The following VCAN variants were observed in gnomAD, a reference collection of about 807,000 sequenced individuals.
The protein encoded by VCAN is versican core protein.
In VCAN, 44 loss-of-function variants were observed where a neutral mutation model predicts 245.5. The ratio of observed to expected loss-of-function variants is 0.18; its 90% confidence interval spans 0.14 to 0.23. The LOEUF (loss-of-function observed/expected upper bound fraction) is 0.23, where lower values mean the gene tolerates loss of function less well. VCAN is among the 10% of genes least tolerant of loss of function. The pLI is 1.00. For missense variants in VCAN, 3,793 were observed against 4,057.9 expected, an observed-to-expected ratio of 0.93 and a Z score of 1.77; for synonymous variants, 1,413 against 1,437.0, an observed-to-expected ratio of 0.98 and a Z score of 0.38.
chr5:83,479,372 T>A (rs1317346137), intron 1 of VCAN, among the ~76,000 whole-genome samples: 1 of 152,064 alleles, frequency 6.6e-6, no homozygotes, highest in Non-Finnish European at 1.5e-5. Flanking sequence ...CCCTGGTGTG[T>A]CCCTTATCCT....
intron 7 of VCAN, among the ~76,000 whole-genome samples, chr5:83,529,003 C>CACACACACAT (rs1746412879): frequency 1.3e-5 from 2 of 151,590 alleles, no homozygotes; most frequent in Admixed American, 1.3e-4. Flanking sequence ...CACACACACA[C>CACACACACAT]ACACACACAC....
At chr5:83,523,889 T>C (rs745675244) in intron 7 of VCAN, among the ~76,000 whole-genome samples, 1 of 151,882 alleles carries the variant, frequency 6.6e-6, no homozygotes, top group Non-Finnish European at 1.5e-5. Context: ...GACAGGAATA[T>C]AACGGTGAAA....
Position 83,541,155 on chromosome 5 carries a change from G to A in VCAN, c.8152G>A (p.Asp2718Asn), listed in dbSNP as rs978512183. 3.7e-6 allele frequency: 6 copies of A among 1,613,942 alleles called. No homozygotes were observed. The African/African-American group carries it at 6.7e-5, about 18-fold the overall frequency. ...AAAAGCTGAAGCAAAAGCCCTGGAT[G>A]ACATGTTTGAATCAAGCACTTTGTC... ...GIKAEAKALD[D>N]MFESSTLSDG... Residue 2718 changes from aspartate (D) to asparagine (N), a missense_variant, in exon 8 of 15, where the codon GAC becomes AAC. Asp to Asn is a conservative substitution (Grantham distance 23, BLOSUM62 1). Transcript: ENST00000265077.
At chr5:83,524,243 T>G (rs1455347799) in intron 7 of VCAN, among the ~76,000 whole-genome samples, 1 of 152,134 alleles carries the variant, frequency 6.6e-6, no homozygotes, top group African/African-American at 2.4e-5. Flanking sequence ...CTGAAACAAT[T>G]TATACAAAGG....
In VCAN at chr5:83,520,097, G is replaced by T; in HGVS notation, c.1791G>T (p.Leu597Phe). 1 of 1,614,012 alleles carries T rather than the reference G, an allele frequency of 6.2e-7. No homozygotes were observed. Among genetic ancestry groups the T allele is most frequent in the Non-Finnish European group, 8.5e-7 (1 of 1,179,962 alleles). Residue 597 changes from leucine (L) to phenylalanine (F), a missense_variant, in exon 7 of 15, where the codon TTG becomes TTT. Physicochemically the swap from Leu to Phe is conservative, Grantham distance 22 (BLOSUM62 0). Around this residue, in one of 5 missense-constraint regions of VCAN, gnomAD observed 3,182 missense variants for 3,250.3 expected, o/e 0.98. Coordinates refer to ENST00000265077, the MANE Select transcript of VCAN (RefSeq NM_004385.5). ...EDTIHTHLED[L>F]ESVSASTTVS... ...CCATCCACACTCATTTAGAAGACTT[G>T]GAGTCAGTCTCAGCATCCACAACTG...
intron 5 of VCAN, among the ~76,000 whole-genome samples, chr5:83,499,852 T>C (rs1561233020): frequency 1.3e-5 from 2 of 152,256 alleles, no homozygotes. Context: ...CATATCATTC[T>C]TGTGCCTCAC....
chr5:83,556,577 G>A (rs1747674518), intron 12 of VCAN, among the ~76,000 whole-genome samples: 1 of 152,074 alleles, frequency 6.6e-6, no homozygotes, highest in Non-Finnish European at 1.5e-5. Flanking sequence ...AGAATCAATA[G>A]GCTCATCTTC....
At chr5:83,578,873 A>G (rs1748567200) in intron 13 of VCAN, among the ~76,000 whole-genome samples, 1 of 152,176 alleles carries the variant, frequency 6.6e-6, no homozygotes, top group African/African-American at 2.4e-5. Flanking sequence ...TTTTTAAAGC[A>G]TATCATTTAA....
rs575924792 is a variant in VCAN, at chr5:83,521,172, A to C, written c.2866A>C (p.Ser956Arg). 6.2e-7 allele frequency: 1 copy of C among 1,613,478 alleles called. No homozygotes were observed. The highest frequency in any genetic ancestry group is 1.3e-5 in the African/African-American group (1 of 75,042). The change falls in exon 7 of 15, where the codon AGT becomes CGT. Residue 956 changes from serine (S) to arginine (R), a missense_variant. Physicochemically the swap from Ser to Arg is moderately radical, Grantham distance 110. Around this residue, in one of 5 missense-constraint regions of VCAN, gnomAD observed 3,182 missense variants for 3,250.3 expected, o/e 0.98. Transcript: ENST00000265077. ...TSEVEGLAFV[S>R]YSSTQEPTTY... is the part of the protein sequence containing the mutation. ...AGAGGTGGAAGGATTAGCATTTGTT[A>C]GTTATAGTAGCACCCAAGAGCCTAC...
chr5:83,538,620 C>T lies in VCAN; in HGVS notation c.5617C>T (p.His1873Tyr), dbSNP rs1746827862. The T allele has an allele frequency of 5.0e-6, 8 of 1,614,022 alleles. No individual in the cohort carries two copies. Among genetic ancestry groups the T allele is most frequent in the Non-Finnish European group, 6.8e-6 (8 of 1,179,942 alleles). Residue 1873 changes from histidine to tyrosine, a missense_variant, in exon 8 of 15, where the codon CAT becomes TAT. This residue lies in a region of VCAN where 3,182 missense variants were observed against 3,250.3 expected (regional missense o/e 0.98). Transcript: ENST00000265077. Reference protein sequence around the residue: ...EKEVAGTLSPHVETTFSTEPT... With the variant: ...EKEVAGTLSPYVETTFSTEPT... ...GGAAGTAGCTGGCACTTTGTCTCCG[C>T]ATGTGGAAACTACATTCTCCACTGA...
chr5:83,523,059 C>T (rs1046961176), intron 7 of VCAN, among the ~76,000 whole-genome samples: 6 of 152,026 alleles, frequency 3.9e-5, no homozygotes, highest in East Asian at 1.9e-4. Context: ...ATTGTTTTAC[C>T]GCTAGGAATA....
At chr5:83,564,381 GAAT>G (rs1215351746) in intron 12 of VCAN, among the ~76,000 whole-genome samples, 1 of 152,072 alleles carries the variant, frequency 6.6e-6, no homozygotes, top group Non-Finnish European at 1.5e-5. Context: ...ATACACACAA[GAAT>G]AATACTATCT....
intron 6 of VCAN, among the ~76,000 whole-genome samples, chr5:83,513,916 A>T (rs1745754644): frequency 6.6e-6 from 1 of 152,130 alleles, no homozygotes; most frequent in South Asian, 2.1e-4. Context: ...TGACTTCCTT[A>T]TTTGATATTT....
rs774772193 is a variant in VCAN, at chr5:83,540,919, C to T, written c.7916C>T (p.Ser2639Phe). 4 of 1,613,816 alleles carry T rather than the reference C, an allele frequency of 2.5e-6. No individual in the cohort carries two copies. Among genetic ancestry groups the T allele is most frequent in the Non-Finnish European group, 3.4e-6 (4 of 1,179,960 alleles). Residue 2639 changes from serine to phenylalanine, a missense_variant, in exon 8 of 15, where the codon TCT becomes TTT. Ser to Phe is a radical substitution (Grantham distance 155). Coordinates refer to ENST00000265077, the MANE Select transcript of VCAN (RefSeq NM_004385.5). ...TTAACTGAGGAAACATTTGAGGGCT[C>T]TGCTGATGTTCTGGCTAGCTACACT... ...LSLTEETFEG[S>F]ADVLASYTQA...
chr5:83,519,538 A>G lies in VCAN; in HGVS notation c.1232A>G (p.Gln411Arg), dbSNP rs754097968. The G allele has an allele frequency of 6.2e-7, 1 of 1,614,158 alleles. No homozygotes were observed. Among genetic ancestry groups the G allele is most frequent in the Non-Finnish European group, 8.5e-7 (1 of 1,179,982 alleles). Residue 411 changes from glutamine to arginine, a missense_variant, in exon 7 of 15, where the codon CAA becomes CGA. This residue lies in a region of VCAN where 3,182 missense variants were observed against 3,250.3 expected (regional missense o/e 0.98). Transcript: ENST00000265077. The part of the protein sequence containing the change: ...IVSFEQKATV[Q>R]PQAITDSLAT... Reference sequence around the variant, plus strand: ...AGTTTTGAACAGAAAGCCACAGTCCAACCTCAGGCTATCACAGATAGTTTA... The same window carrying G: ...AGTTTTGAACAGAAAGCCACAGTCCGACCTCAGGCTATCACAGATAGTTTA...
At chr5:83,550,684 C>T (rs1015852336) in intron 10 of VCAN, among the ~76,000 whole-genome samples, 1 of 151,794 alleles carries the variant, frequency 6.6e-6, no homozygotes, top group Admixed American at 6.6e-5. Context: ...GTCAGAAGTT[C>T]GAGACCAGCC....
intron 3 of VCAN, 51 bp downstream of exon 3, chr5:83,490,523 A>G: frequency 6.2e-7 from 1 of 1,607,068 alleles, no homozygotes; most frequent in Non-Finnish European, 8.5e-7. Context: ...CACCTGGTTC[A>G]GAAGCATTGA....
At chr5:83,531,031 A>T (rs1746500452) in intron 7 of VCAN, among the ~76,000 whole-genome samples, 1 of 152,126 alleles carries the variant, frequency 6.6e-6, no homozygotes, top group South Asian at 2.1e-4. Context: ...GAGTGATTTG[A>T]TCCTTTGGAG....
chr5:83,578,112 G>T (rs1240133916), intron 13 of VCAN, among the ~76,000 whole-genome samples: 1 of 151,942 alleles, frequency 6.6e-6, no homozygotes, highest in Non-Finnish European at 1.5e-5. Context: ...TTTCCATATT[G>T]CAATAAAAGA....
Sources: gnomAD v4.1 joint callset for allele counts (sites outside exome capture counted in the v4.1 genomes callset) on GRCh38, gnomAD v4.1.1 for gene constraint, gnomAD v4.1.1 regional missense constraint, MANE v1.5 for transcripts, NCBI Gene and HGNC (gene_info 2026-07-23, HGNC 2026-07-21) for gene names.